The following MCC variants were observed in gnomAD, a reference collection of about 807,000 sequenced individuals.
MCC encodes colorectal mutant cancer protein.
Under a neutral mutation model 116.2 loss-of-function variants are expected in MCC, and 90 were observed. The ratio of observed to expected loss-of-function variants is 0.77; its 90% CI spans 0.65 to 0.92. MCC has a LOEUF of 0.92. MCC is among the 40% of genes least tolerant of loss of function. The pLI is 0.00. For synonymous variants in MCC, 578 were observed against 510.5 expected, an observed-to-expected ratio of 1.13 and a Z score of -1.78; for missense variants, 1,516 against 1,312.2, an observed-to-expected ratio of 1.16 and a Z score of -2.40.
chr5:113,091,346 G>A (rs1434584008), intron 8 of MCC, among the ~76,000 whole-genome samples: 1 of 152,156 alleles, frequency 6.6e-6, no homozygotes. Flanking sequence ...GGCTTCCCAT[G>A]ACTGGGAGCC....
At chr5:113,188,073 A>AAAAGGG (rs1761989393) in intron 3 of MCC, among the ~76,000 whole-genome samples, 1 of 152,196 alleles carries the variant, frequency 6.6e-6, no homozygotes, top group Admixed American at 6.5e-5. Context: ...GGGGTTTTTG[A>AAAAGGG]AAAGGGGATG....
At chr5:113,288,936 T>A (rs1417819240) in intron 3 of MCC, among the ~76,000 whole-genome samples, 1 of 152,152 alleles carries the variant, frequency 6.6e-6, no homozygotes, top group Non-Finnish European at 1.5e-5. Flanking sequence ...GGGAAGTGCT[T>A]AGAAAATGTG....
At chr5:113,312,698 T>C (rs1767164708) in intron 3 of MCC, among the ~76,000 whole-genome samples, 1 of 152,242 alleles carries the variant, frequency 6.6e-6, no homozygotes, top group African/African-American at 2.4e-5. Context: ...GGTTTTAAGA[T>C]GGATACAAGT....
At chr5:113,201,387 CAA>C (rs68052804) in intron 3 of MCC, among the ~76,000 whole-genome samples, 39,534 of 128,176 alleles carry the variant, frequency 0.31, 6,891 homozygotes, top group African/African-American at 0.51. Context: ...ACGCCATCTC[CAA>C]AAAAAAAAAA....
At chr5:113,310,907 A>G (rs1022866225) in intron 3 of MCC, among the ~76,000 whole-genome samples, 1 of 152,248 alleles carries the variant, frequency 6.6e-6, no homozygotes, top group African/African-American at 2.4e-5. Context: ...CATTAAAAAA[A>G]TATTTATCAC....
At chr5:113,365,879 C>G (rs1222341262) in intron 2 of MCC, among the ~76,000 whole-genome samples, 1 of 152,146 alleles carries the variant, frequency 6.6e-6, no homozygotes, top group African/African-American at 2.4e-5. Flanking sequence ...CTTGTGAGAA[C>G]TCACTCACTA....
intron 3 of MCC, among the ~76,000 whole-genome samples, chr5:113,317,422 T>C (rs1479486220): frequency 6.6e-6 from 1 of 152,234 alleles, no homozygotes; most frequent in African/African-American, 2.4e-5. Context: ...ACTGGTAGAT[T>C]TATTTGAGTA....
Position 113,488,405 on chromosome 5 carries a change from C to A in MCC, c.10G>T (p.Ala4Ser), listed in dbSNP as rs1009760661. The part of the protein sequence containing the change: MMA[A>S]AAAAAAGSSS... Reference sequence around the variant, plus strand: ...CTCCCCGCAGCCGCTGCCGCCGCGGCCGCCATCATGCGCCCGCTCCCTACT... The same window carrying A: ...CTCCCCGCAGCCGCTGCCGCCGCGGACGCCATCATGCGCCCGCTCCCTACT... Residue 4 changes from alanine (A) to serine (S), a missense_variant, in exon 1 of 19, where the codon GCC becomes TCC. Physicochemically the swap from Ala to Ser is moderately conservative, Grantham distance 99. Coordinates refer to ENST00000408903, the MANE Select transcript of MCC (RefSeq NM_001085377.2). The A allele has an allele frequency of 7.2e-7, 1 of 1,396,952 alleles. No individual in the cohort carries two copies. The highest frequency in any genetic ancestry group is 9.2e-7 in the Non-Finnish European group (1 of 1,087,286). The allele number at this position is 1,396,952 out of a possible 1,614,324, so 86.5% of individuals were successfully genotyped here. A position where few individuals can be genotyped will look rare whatever the true frequency, so the allele number is the denominator to read the frequency against.
intron 3 of MCC, among the ~76,000 whole-genome samples, chr5:113,300,312 T>A (rs11241197): frequency 0.13 from 19,337 of 152,152 alleles, 2,008 homozygotes; most frequent in Admixed American, 0.26. Context: ...CAGTCCACTG[T>A]GCTGAGGAAG....
chr5:113,373,340 T>C (rs974933167), intron 2 of MCC, among the ~76,000 whole-genome samples: 24 of 151,994 alleles, frequency 1.6e-4, no homozygotes, highest in African/African-American at 4.4e-4. Context: ...TCTAAAATAT[T>C]CTAAAAAATA....
At chr5:113,263,588 A>G (rs2150349519) in intron 3 of MCC, among the ~76,000 whole-genome samples, 1 of 152,352 alleles carries the variant, frequency 6.6e-6, no homozygotes, top group South Asian at 2.1e-4. Context: ...TCAGAGTAAC[A>G]TGACTTTCAA....
chr5:113,051,050 C>G (rs953178245), intron 15 of MCC, among the ~76,000 whole-genome samples: 6 of 152,234 alleles, frequency 3.9e-5, no homozygotes, highest in African/African-American at 1.4e-4. Context: ...AATTAAACCT[C>G]AAGCTTGTGT....
At chr5:113,233,044 C>T (rs1415929272) in intron 3 of MCC, among the ~76,000 whole-genome samples, 1 of 152,022 alleles carries the variant, frequency 6.6e-6, no homozygotes, top group Non-Finnish European at 1.5e-5. Flanking sequence ...ACCTGTAAAG[C>T]ACTTAGCAAA....
At chr5:113,291,014 C>T (rs1401509214) in intron 3 of MCC, among the ~76,000 whole-genome samples, 1 of 152,186 alleles carries the variant, frequency 6.6e-6, no homozygotes, top group Non-Finnish European at 1.5e-5. Flanking sequence ...AGCGTTCAGA[C>T]TTGACATAAG....
chr5:113,218,856 A>G (rs577126887), intron 3 of MCC, among the ~76,000 whole-genome samples: 1 of 151,660 alleles, frequency 6.6e-6, no homozygotes, highest in South Asian at 2.1e-4. Flanking sequence ...ATTAATAACT[A>G]TTCTTCCGAA....
intron 3 of MCC, among the ~76,000 whole-genome samples, chr5:113,210,255 T>C (rs947158333): frequency 1.3e-5 from 2 of 152,202 alleles, no homozygotes; most frequent in Admixed American, 1.3e-4. Context: ...CCTCTAAATA[T>C]ACCTTCCCAT....
chr5:113,192,423 G>C (rs893714609), intron 3 of MCC, among the ~76,000 whole-genome samples: 1 of 152,188 alleles, frequency 6.6e-6, no homozygotes, highest in Non-Finnish European at 1.5e-5. Context: ...CATATTGTCT[G>C]TAGGAAATTT....
chr5:113,336,532 G>A (rs954574681), intron 3 of MCC, among the ~76,000 whole-genome samples: 1 of 148,282 alleles, frequency 6.7e-6, no homozygotes, highest in Non-Finnish European at 1.5e-5. Context: ...TGGTCCCATT[G>A]GTCCTCATGA....
At chr5:113,030,211 G>T (rs1206317943) in intron 17 of MCC, among the ~76,000 whole-genome samples, 1 of 152,130 alleles carries the variant, frequency 6.6e-6, no homozygotes, top group Non-Finnish European at 1.5e-5. Context: ...TCACTTCTAG[G>T]AATTGATTTT....
Sources: gnomAD v4.1 joint callset for allele counts (sites outside exome capture counted in the v4.1 genomes callset) on GRCh38, gnomAD v4.1.1 for gene constraint, MANE v1.5 for transcripts, NCBI Gene and HGNC (gene_info 2026-07-23, HGNC 2026-07-21) for gene names.